The following ZNF480 variants were observed in gnomAD, a reference collection of about 807,000 sequenced individuals.
ZNF480 encodes zinc finger protein 480.
Under a neutral mutation model 14.4 loss-of-function variants are expected in ZNF480, and 15 were observed. The ratio of observed to expected loss-of-function variants is 1.04; its 90% confidence interval spans 0.70 to 1.60. The LOEUF is 1.60. Ranked by LOEUF, ZNF480 falls within the 40% of genes most tolerant of loss-of-function variation. The pLI is 0.00. For synonymous variants in ZNF480, 218 were observed against 215.5 expected, an observed-to-expected ratio of 1.01 and a Z score of -0.10; for missense variants, 593 against 629.7, an observed-to-expected ratio of 0.94 and a Z score of 0.62.
In ZNF480 at chr19:52,321,502, G is replaced by C. The variant is rs77718700; in HGVS notation, c.329-77G>C. 419 of 1,254,232 alleles carry C rather than the reference G, an allele frequency of 3.3e-4. 3 individuals are homozygous for C. The East Asian group carries it at 9.6e-3, about 29-fold the overall frequency. The allele number at this position is 1,254,232 out of a possible 1,614,324, so 77.7% of individuals were successfully genotyped here. ...TCCAATGTCTGAGTCAGATGAGGCAGATTCTAGTATTTTCATCAGACTCTA... is the reference window on the plus strand; with the variant it reads ...TCCAATGTCTGAGTCAGATGAGGCACATTCTAGTATTTTCATCAGACTCTA... On this transcript the variant is annotated intron_variant, in intron 4 of 4. Transcript: ENST00000595962.
At chr19:52,305,873 T>C (rs773200846) in intron 2 of ZNF480, among the ~76,000 whole-genome samples, 1 of 152,218 alleles carries the variant, frequency 6.6e-6, no homozygotes, top group Non-Finnish European at 1.5e-5. Flanking sequence ...AGAGTGACAC[T>C]GATTAGCCCA....
intron 2 of ZNF480, among the ~76,000 whole-genome samples, chr19:52,305,566 C>A (rs1440509196): frequency 6.6e-6 from 1 of 152,184 alleles, no homozygotes; most frequent in East Asian, 1.9e-4. Flanking sequence ...GAATCAATGA[C>A]TCCTGCATGT....
intron 2 of ZNF480, chr19:52,307,312 G>A (rs1982982795): frequency 6.6e-6 from 1 of 152,244 alleles, no homozygotes; most frequent in Admixed American, 6.5e-5. Flanking sequence ...GCTGCTGAAG[G>A]AGACTCAAAT....
chr19:52,322,034 A>G lies in ZNF480; in HGVS notation c.784A>G (p.Asn262Asp), dbSNP rs866427929. 6.2e-7 allele frequency: 1 copy of G among 1,614,096 alleles called. No homozygotes were observed. Among genetic ancestry groups the G allele is most frequent in the South Asian group, 1.1e-5 (1 of 91,082 alleles). ...IHTGEKPYKC[N>D]VCGKVFSYNS... ...TACTGGAGAGAAACCTTACAAATGT[A>G]ATGTCTGTGGCAAGGTTTTTAGTTA... Residue 262 changes from asparagine to aspartate, a missense_variant, in exon 5 of 5, where the codon AAT becomes GAT. By Grantham distance (23) the Asn-to-Asp change is conservative (BLOSUM62 1). Coordinates refer to ENST00000595962, the MANE Select transcript of ZNF480 (RefSeq NM_144684.4).
At chr19:52,309,055 A>G (rs1983140862) in intron 2 of ZNF480, among the ~76,000 whole-genome samples, 1 of 152,144 alleles carries the variant, frequency 6.6e-6, no homozygotes, top group Non-Finnish European at 1.5e-5. Flanking sequence ...GAGTGAGAGC[A>G]AGTCCTGTAG....
chr19:52,310,729 G>T (rs945325730), intron 2 of ZNF480, among the ~76,000 whole-genome samples: 21 of 151,874 alleles, frequency 1.4e-4, no homozygotes, highest in Non-Finnish European at 2.9e-4. Context: ...AGCCGGTCAT[G>T]GTGGCTCATG....
chr19:52,308,774 G>A (rs2122531105), intron 2 of ZNF480: 1 of 150,014 alleles, frequency 6.7e-6, no homozygotes, highest in East Asian at 2.0e-4. Context: ...CAAAAAATGT[G>A]ATAATTTTGC....
rs565221834 is a variant in ZNF480 at position 52,316,835 on chromosome 19, T to A, written c.328+873T>A. ...TATGACTGGCTTATCTCACTTAGCG[T>A]AGTGTCTTTCAGGTTCATCTATTTT... is the stretch of plus-strand genomic sequence containing the variant. On this transcript the variant is annotated intron_variant, in intron 4 of 4. Transcript: ENST00000595962. 2.0e-5 allele frequency among the ~76,000 whole-genome samples: 3 copies of A among 152,328 alleles called. No individual in the cohort carries two copies. The East Asian group carries it at 5.8e-4, about 29-fold the overall frequency.
At chr19:52,301,761 C>T (rs190764068) in intron 2 of ZNF480, 2 of 152,190 alleles carry the variant, frequency 1.3e-5, no homozygotes, top group Admixed American at 1.3e-4. Flanking sequence ...CAATGAAACA[C>T]CGAGAGTACC....
At chr19:52,297,265 C>T in intron 1 of ZNF480, 42 bp downstream of exon 1, 1 of 450,074 alleles carries the variant, frequency 2.2e-6, no homozygotes, top group South Asian at 1.6e-5. Context: ...CTTCCCAACT[C>T]CCCCGCGCTT....
chr19:52,322,588 T>G lies in ZNF480; in HGVS notation c.1338T>G (p.Leu446=), dbSNP rs1451109473. ...AGTATTCAGGCCTTTCAGCCCATCT[T>G]GTAATCCACACTGGAGAGAAGCCTT... ...FSEYSGLSAH[L]VIHTGEKPYK... Residue 446 remains leucine, a synonymous_variant, in exon 5 of 5, where the codon CTT becomes CTG. Coordinates refer to ENST00000595962, the MANE Select transcript of ZNF480 (RefSeq NM_144684.4). 1.2e-6 allele frequency: 2 copies of G among 1,613,466 alleles called. No individual in the cohort carries two copies. The highest frequency in any genetic ancestry group is 1.7e-6 in the Non-Finnish European group (2 of 1,179,848).
At chr19:52,318,854 C>G (rs968657936) in intron 4 of ZNF480, among the ~76,000 whole-genome samples, 1 of 151,746 alleles carries the variant, frequency 6.6e-6, no homozygotes, top group Non-Finnish European at 1.5e-5. Flanking sequence ...CTTCTCTATT[C>G]TTGCTTTTTT....
rs549800180 is a variant in ZNF480 at position 52,305,016 on chromosome 19, G to A, written c.72+4532G>A. Among the ~76,000 whole-genome samples, 116 of 152,058 alleles carry A rather than the reference G, an allele frequency of 7.6e-4. 1 individual carries two copies. The highest frequency in any genetic ancestry group is 2.6e-3 in the African/African-American group (108 of 41,506). On this transcript the variant is annotated intron_variant, in intron 2 of 4. Transcript: ENST00000595962. ...TGGGAGGCTGAGGCAGGAGAATGGC[G>A]TGAACCTGGGAGGCAGAGCTTGCAG... is the stretch of plus-strand genomic sequence containing the variant.
At chr19:52,304,109 C>T (rs1033411084) in intron 2 of ZNF480, among the ~76,000 whole-genome samples, 4 of 152,172 alleles carry the variant, frequency 2.6e-5, no homozygotes, top group Admixed American at 1.3e-4. Flanking sequence ...CTACATAAGT[C>T]TGACAAATTG....
chr19:52,312,778 G>A (rs375668420), intron 2 of ZNF480, among the ~76,000 whole-genome samples: 1 of 151,918 alleles, frequency 6.6e-6, no homozygotes, highest in African/African-American at 2.4e-5. Flanking sequence ...CATGGAAAGT[G>A]TTCAAAAGCT....
At chr19:52,300,869 A>G (rs8103072) in intron 2 of ZNF480, 19,579 of 238,282 alleles carry the variant, frequency 0.082, 1,783 homozygotes, top group African/African-American at 0.26. Context: ...GTAGAGAAAC[A>G]GTCTTTGGCT....
At chr19:52,311,338 A>G (rs1983275747) in intron 2 of ZNF480, among the ~76,000 whole-genome samples, 1 of 151,812 alleles carries the variant, frequency 6.6e-6, no homozygotes, top group Non-Finnish European at 1.5e-5. Context: ...AATATTATAT[A>G]TAATCATATT....
At chr19:52,304,302 A>T (rs1020298541) in intron 2 of ZNF480, among the ~76,000 whole-genome samples, 1 of 152,226 alleles carries the variant, frequency 6.6e-6, no homozygotes, top group African/African-American at 2.4e-5. Flanking sequence ...AATCAGCAGG[A>T]AAAGGCAGTC....
chr19:52,310,240 A>G (rs1360452148), intron 2 of ZNF480, among the ~76,000 whole-genome samples: 1 of 151,986 alleles, frequency 6.6e-6, no homozygotes, highest in Non-Finnish European at 1.5e-5. Flanking sequence ...TATTTTTAGT[A>G]GAGATGGGGT....
Sources: gnomAD v4.1 joint callset for allele counts (sites outside exome capture counted in the v4.1 genomes callset) on GRCh38, gnomAD v4.1.1 for gene constraint, MANE v1.5 for transcripts, NCBI Gene and HGNC (gene_info 2026-07-23, HGNC 2026-07-21) for gene names.